Variants in GCLC observed in about 807,000 individuals in gnomAD.
GCLC encodes the protein glutamate--cysteine ligase catalytic subunit.
In GCLC, 30 loss-of-function variants were observed where a neutral mutation model predicts 81.5. The ratio of observed to expected loss-of-function variants is 0.37; its 90% CI spans 0.28 to 0.50. GCLC has a LOEUF of 0.50. Among genes scored for constraint, GCLC ranks in the 20% least tolerant of loss-of-function variants. The probability of loss-of-function intolerance (pLI) is 0.96; values close to 1 mark genes in which losing one functional copy is unlikely to be tolerated. For missense variants in GCLC, 556 were observed against 777.4 expected (o/e 0.72, Z 3.39); for synonymous variants, 262 against 273.3 (o/e 0.96, Z 0.41).
intron 1 of GCLC, among the ~76,000 whole-genome samples, chr6:53,542,950 A>G (rs1156367573): frequency 1.3e-5 from 2 of 151,760 alleles, no homozygotes; most frequent in African/African-American, 2.4e-5. Flanking sequence ...CTGAGGTTGC[A>G]GTGAGCCGAG....
chr6:53,506,729 A>T lies in GCLC; in HGVS notation c.1197+184T>A. 1.7e-6 allele frequency: 1 copy of T among 584,032 alleles called. No individual in the cohort carries two copies. Among genetic ancestry groups the T allele is most frequent in the Non-Finnish European group, 3.1e-6 (1 of 325,406 alleles). The allele number at this position is 584,032 out of a possible 1,614,324, so 36.2% of individuals were successfully genotyped here. A position where few individuals can be genotyped will look rare whatever the true frequency, so the allele number is the denominator to read the frequency against. Reference sequence around the variant, plus strand: ...TAAGAGTACTTGAAACCGATTTTTTATTTGTCCAAGTTCTTTACTGCACTG... The same window carrying T: ...TAAGAGTACTTGAAACCGATTTTTTTTTTGTCCAAGTTCTTTACTGCACTG... On this transcript the variant is annotated intron_variant, in intron 10 of 15. Coordinates refer to ENST00000650454, the MANE Select transcript of GCLC (RefSeq NM_001498.4). This position sits in a 1 kb window ranked among gnomAD's most constrained non-coding sequence, Gnocchi z 4.0.
chr6:53,500,021 G>A (rs751530389), intron 15 of GCLC, 24 bp downstream of exon 15: 3 of 1,527,866 alleles, frequency 2.0e-6, no homozygotes, highest in African/African-American at 2.7e-5. Flanking sequence ...TATATTATGA[G>A]ATTAAGAAAA....
chr6:53,512,194 C>T (rs1374449101), intron 6 of GCLC, among the ~76,000 whole-genome samples: 1 of 152,060 alleles, frequency 6.6e-6, no homozygotes, highest in Non-Finnish European at 1.5e-5. Flanking sequence ...ATCTGCCCAT[C>T]TCAGCCTCCC....
chr6:53,512,870 T>C (rs777186219), intron 6 of GCLC: 2 of 152,164 alleles, frequency 1.3e-5, no homozygotes, highest in Non-Finnish European at 1.5e-5. Context: ...CAATCAATAC[T>C]CTTAACAGCA....
At chr6:53,517,207 C>T (rs1294530223) in intron 3 of GCLC, among the ~76,000 whole-genome samples, 1 of 143,734 alleles carries the variant, frequency 7.0e-6, no homozygotes, top group Non-Finnish European at 1.5e-5. Context: ...CTGCCTCAGG[C>T]TCCTGAGTAG....
chr6:53,528,832 A>G (rs1269486425), intron 1 of GCLC, among the ~76,000 whole-genome samples: 1 of 152,222 alleles, frequency 6.6e-6, no homozygotes, highest in Non-Finnish European at 1.5e-5. Context: ...AACTTTCTCA[A>G]TATTGTCTCA....
chr6:53,500,597 T>A (rs750712815), intron 12 of GCLC, 84 bp from the exon 13 acceptor site: 1 of 924,192 alleles, frequency 1.1e-6, no homozygotes, highest in Non-Finnish European at 1.8e-6. Flanking sequence ...CCTTTGCAAT[T>A]AGGACTCATT....
rs150731420 is a variant in GCLC at position 53,500,713 on chromosome 6, T to G, written c.1396-200A>C. 821 of 604,430 alleles carry G rather than the reference T, an allele frequency of 1.4e-3. 8 individuals carry two copies. The highest frequency in any genetic ancestry group is 0.012 in the African/African-American group (671 of 53,946). 37.4% of individuals were successfully genotyped at this position (604,430 alleles called of 1,614,324 possible). A position where few individuals can be genotyped will look rare whatever the true frequency, so the allele number is the denominator to read the frequency against. On this transcript the variant is annotated intron_variant, in intron 12 of 15. Coordinates refer to ENST00000650454, the MANE Select transcript of GCLC (RefSeq NM_001498.4). The stretch of plus-strand genomic sequence containing the variant: ...CAATCATGGATTGGTATGTGATTTT[T>G]CAACCAATCAGGGAATTTTAAGAGA...
At chr6:53,526,002 C>T (rs1763074855) in intron 1 of GCLC, among the ~76,000 whole-genome samples, 1 of 152,288 alleles carries the variant, frequency 6.6e-6, no homozygotes, top group African/African-American at 2.4e-5. Flanking sequence ...TGCTAAAAGG[C>T]TAAATTTTAT....
chr6:53,517,079 ATTT>A (rs71546114), intron 3 of GCLC, among the ~76,000 whole-genome samples: 1,605 of 104,354 alleles, frequency 0.015, 17 homozygotes, highest in East Asian at 0.03. Flanking sequence ...TTAAAAAAAA[ATTT>A]TTTTTTTTTT....
chr6:53,530,832 TC>T (rs1246682032), intron 1 of GCLC, among the ~76,000 whole-genome samples: 1 of 152,036 alleles, frequency 6.6e-6, no homozygotes, highest in East Asian at 1.9e-4. Flanking sequence ...AAAGCCTACT[TC>T]CTGCATTACC....
At chr6:53,536,957 A>T (rs1763267163) in intron 1 of GCLC, among the ~76,000 whole-genome samples, 1 of 152,196 alleles carries the variant, frequency 6.6e-6, no homozygotes, top group African/African-American at 2.4e-5. Context: ...GTACAACATA[A>T]CCTCTACTTT....
intron 1 of GCLC, among the ~76,000 whole-genome samples, chr6:53,540,533 C>T (rs542890111): frequency 1.3e-4 from 20 of 152,212 alleles, no homozygotes; most frequent in Admixed American, 7.2e-4. Flanking sequence ...AACTGCTAAT[C>T]GGTGAGCATG....
chr6:53,505,995 C>T, intron 10 of GCLC, 100 bp from the exon 11 acceptor site: 2 of 766,418 alleles, frequency 2.6e-6, no homozygotes, highest in Admixed American at 1.8e-5. Context: ...GCTCACTGTC[C>T]ATACCAAATT....
At chr6:53,510,781 T>G (rs895594092) in intron 6 of GCLC, among the ~76,000 whole-genome samples, 1 of 152,212 alleles carries the variant, frequency 6.6e-6, no homozygotes, top group Admixed American at 6.5e-5. Flanking sequence ...AGACTCAAGT[T>G]TGCCTGCTCA....
chr6:53,505,856 G>T lies in GCLC; in HGVS notation c.1237C>A (p.Pro413Thr). The change falls in exon 11 of 16, where the codon CCC becomes ACC. Residue 413 changes from proline (P) to threonine (T), a missense_variant. Around this residue, in one of 3 missense-constraint regions of GCLC, gnomAD observed 313 missense variants for 437.3 expected, o/e 0.72. Transcript: ENST00000650454. Reference protein sequence around the residue: ...STNWQTMRFKPPPPNSDIGWR... With the variant: ...STNWQTMRFKTPPPNSDIGWR... ...CCAATGTCTGAGTTTGGAGGAGGGG[G>T]CTTAAATCTCATTGTCTGCCAATTT... The T allele has an allele frequency of 1.2e-6, 2 of 1,612,074 alleles. No individual in the cohort carries two copies. The highest frequency in any genetic ancestry group is 1.1e-5 in the South Asian group (1 of 91,034).
rs1336514693 is a variant in GCLC, at chr6:53,505,793, T to C, written c.1290+10A>G. On this transcript the variant is annotated intron_variant, in intron 11 of 15. Coordinates refer to ENST00000650454, the MANE Select transcript of GCLC (RefSeq NM_001498.4). ...TTTTGAGTCAGTTCTTGCTGATGCATGTGTCTTACCTCCATGGGTCGAAAT... is the reference window on the plus strand; with the variant it reads ...TTTTGAGTCAGTTCTTGCTGATGCACGTGTCTTACCTCCATGGGTCGAAAT... 8 of 1,515,518 alleles carry C rather than the reference T, an allele frequency of 5.3e-6. No homozygotes were observed. The highest frequency in any genetic ancestry group is 1.4e-5 in the African/African-American group (1 of 73,110). 93.9% of individuals were successfully genotyped at this position (1,515,518 alleles called of 1,614,324 possible).
intron 1 of GCLC, among the ~76,000 whole-genome samples, chr6:53,537,660 AAAAAG>A (rs1349430649): frequency 1.2e-4 from 18 of 151,828 alleles, no homozygotes; most frequent in South Asian, 1.0e-3. Context: ...TAATATTAAA[AAAAAG>A]AAAAGAAATA....
Position 53,540,299 on chromosome 6 carries a change from A to G in GCLC, c.150+4197T>C, listed in dbSNP as rs1038089506. 3.3e-5 allele frequency among the ~76,000 whole-genome samples: 5 copies of G among 150,000 alleles called. No individual in the cohort carries two copies. The Admixed American group carries it at 3.4e-4, about 10-fold the overall frequency. ...GAATGAAGAAAATGTGGTACATACA[A>G]GCAATGGAATATTATTCAGCCTCAA... On this transcript the variant is annotated intron_variant, in intron 1 of 15. Coordinates refer to ENST00000650454, the MANE Select transcript of GCLC (RefSeq NM_001498.4).
Sources: allele counts gnomAD v4.1 joint callset (sites outside exome capture counted in the v4.1 genomes callset), GRCh38; gene constraint gnomAD v4.1.1; regional missense constraint gnomAD v4.1.1; non-coding constraint Gnocchi (gnomAD v3.1); transcripts MANE v1.5; gene names NCBI Gene and HGNC (gene_info 2026-07-23, HGNC 2026-07-21).